BRWD1: variants seen among roughly 807,000 people sequenced by gnomAD.
BRWD1 encodes bromodomain and WD repeat domain containing 1.
Under a neutral mutation model 251.2 loss-of-function variants are expected in BRWD1, and 82 were observed. The ratio of observed to expected loss-of-function variants is 0.33; its 90% CI spans 0.27 to 0.39. The LOEUF is 0.39. BRWD1 is among the 10% of genes least tolerant of loss of function. The probability of loss-of-function intolerance (pLI) is 1.00; values close to 1 mark genes in which losing one functional copy is unlikely to be tolerated. For synonymous variants in BRWD1, 918 were observed against 902.8 expected, an observed-to-expected ratio of 1.02 and a Z score of -0.30; for missense variants, 2,233 against 2,711.6, an observed-to-expected ratio of 0.82 and a Z score of 3.92.
chr21:39,281,416 C>T (rs750842495), intron 8 of BRWD1, among the ~76,000 whole-genome samples: 9 of 152,132 alleles, frequency 5.9e-5, no homozygotes, highest in Non-Finnish European at 7.4e-5. Context: ...CTGACTCGCC[C>T]GAGTGCTGTG....
At chr21:39,244,191 A>G (rs1180538885) in intron 21 of BRWD1, among the ~76,000 whole-genome samples, 7 of 151,752 alleles carry the variant, frequency 4.6e-5, no homozygotes, top group African/African-American at 1.7e-4. Flanking sequence ...CAGCCTCCCT[A>G]GCAGCTGGGA....
At chr21:39,239,665 T>C (rs533098609) in intron 21 of BRWD1, among the ~76,000 whole-genome samples, 4 of 152,174 alleles carry the variant, frequency 2.6e-5, no homozygotes, top group Non-Finnish European at 5.9e-5. Context: ...TTCCTCTCTA[T>C]ATAAACTCGA....
chr21:39,211,747 C>T (rs534683024), intron 34 of BRWD1, among the ~76,000 whole-genome samples: 35 of 152,078 alleles, frequency 2.3e-4, no homozygotes, highest in East Asian at 1.2e-3. Context: ...TAAAATTAAA[C>T]GAAAATGACT....
At chr21:39,313,197 A>G (rs1267671033) in intron 2 of BRWD1, 44 bp downstream of exon 2, 2 of 1,517,096 alleles carry the variant, frequency 1.3e-6, no homozygotes, top group East Asian at 2.6e-5. Flanking sequence ...CGGCGGGGAC[A>G]CTGGGGACGC....
At chr21:39,300,638 T>C (rs955844889) in intron 4 of BRWD1, among the ~76,000 whole-genome samples, 3 of 152,112 alleles carry the variant, frequency 2.0e-5, no homozygotes, top group Non-Finnish European at 1.5e-5. Context: ...CAGAGGTAAA[T>C]ACATTACTGC....
chr21:39,310,840 T>C (rs1263046572), intron 4 of BRWD1, among the ~76,000 whole-genome samples: 1 of 152,096 alleles, frequency 6.6e-6, no homozygotes, highest in East Asian at 1.9e-4. Context: ...ATTACAGGTG[T>C]TAGCACCGCA....
At position 39,289,922 on chromosome 21, in the gene BRWD1, G is replaced by A. The variant is rs529692352; in HGVS notation, c.831+3889C>T. Among the ~76,000 whole-genome samples, 85 of 151,930 alleles carry A rather than the reference G, an allele frequency of 5.6e-4. 2 individuals are homozygous for A. Among genetic ancestry groups the A allele is most frequent in the African/African-American group, 2.0e-3 (83 of 41,410 alleles). On this transcript the variant is annotated intron_variant, in intron 8 of 40. Coordinates refer to ENST00000342449, the MANE Select transcript of BRWD1 (RefSeq NM_033656.4). Reference sequence around the variant, plus strand: ...CGCCTGTAGTCCCAGCTACTTGGGAGGCTGAGGCAGGAGAATGGCGTGAAC... The same window carrying A: ...CGCCTGTAGTCCCAGCTACTTGGGAAGCTGAGGCAGGAGAATGGCGTGAAC...
At chr21:39,218,097 G>A in intron 31 of BRWD1, 55 bp downstream of exon 31, 3 of 1,523,054 alleles carry the variant, frequency 2.0e-6, no homozygotes, top group Non-Finnish European at 2.6e-6. Flanking sequence ...GTTTACCCTA[G>A]TCAATATTGC....
chr21:39,291,102 CCAAAAACAAAAAA>C (rs2035794617), intron 8 of BRWD1, among the ~76,000 whole-genome samples: 1 of 152,094 alleles, frequency 6.6e-6, no homozygotes, highest in South Asian at 2.1e-4. Context: ...TCCGCCTGGG[CCAAAAACAAAAAA>C]CAAAAACAAA....
chr21:39,198,006 A>G (rs1601239280), intron 40 of BRWD1, among the ~76,000 whole-genome samples: 1 of 152,184 alleles, frequency 6.6e-6, no homozygotes, highest in East Asian at 1.9e-4. Context: ...TATAATATTA[A>G]CATGAATACA....
chr21:39,295,851 T>C lies in BRWD1; in HGVS notation c.501A>G (p.Ala167=). 6.2e-7 allele frequency: 1 copy of C among 1,609,348 alleles called. No homozygotes were observed. The highest frequency in any genetic ancestry group is 1.3e-5 in the African/African-American group (1 of 74,924). The change falls in exon 7 of 41, where the codon GCA becomes GCG. Residue 167 remains alanine (A), a synonymous_variant. Coordinates refer to ENST00000342449, the MANE Select transcript of BRWD1 (RefSeq NM_033656.4). ...QLTGCSTFST[A]FPGTMYQHIK... Reference sequence around the variant, plus strand: ...TATGCTGATACATAGTTCCTGGAAATGCTGTACTAAAAGTGGAACACCCTG... The same window carrying C: ...TATGCTGATACATAGTTCCTGGAAACGCTGTACTAAAAGTGGAACACCCTG...
chr21:39,266,879 G>A (rs1332207354), intron 15 of BRWD1, among the ~76,000 whole-genome samples: 2 of 152,192 alleles, frequency 1.3e-5, no homozygotes, highest in Non-Finnish European at 2.9e-5. Context: ...CTGGAAATAA[G>A]ATCATTGTTG....
At chr21:39,224,292 A>G (rs1428727782) in intron 29 of BRWD1, 116 bp downstream of exon 29, 1 of 539,122 alleles carries the variant, frequency 1.9e-6, no homozygotes, top group Admixed American at 3.9e-5. Context: ...AAGTTCAGTT[A>G]CTGTAATAAT....
chr21:39,212,022 C>CA (rs1454525047), intron 34 of BRWD1, among the ~76,000 whole-genome samples: 1 of 152,122 alleles, frequency 6.6e-6, no homozygotes, highest in Non-Finnish European at 1.5e-5. Context: ...CCTTACCCCT[C>CA]AACCTCATCA....
At chr21:39,296,042 A>C (rs1285670401) in intron 6 of BRWD1, 139 bp from the exon 7 acceptor site, 1 of 702,624 alleles carries the variant, frequency 1.4e-6, no homozygotes, top group Non-Finnish European at 2.1e-6. Flanking sequence ...TCCCAATTCT[A>C]TTCTTCTGTA....
In BRWD1 at chr21:39,188,393, C is replaced by CCCA; in HGVS notation, c.*7863_*7865dup. On this transcript the variant is annotated 3_prime_UTR_variant, in exon 41 of 41. Transcript: ENST00000342449. ...TGAAATAACCAGTTGATATCCTCCA[C>CCCA]CCACACTAGACATCTGGAGGACTCC... 1 of 985,346 alleles carries CCCA rather than the reference C, an allele frequency of 1.0e-6. No homozygotes were observed. The allele number at this position is 985,346 out of a possible 1,614,324, so 61.0% of individuals were successfully genotyped here.
rs1373927892 is a variant in BRWD1, at chr21:39,210,891, A to G, written c.3939T>C (p.Tyr1313=). The G allele has an allele frequency of 1.2e-6, 2 of 1,612,298 alleles. No homozygotes were observed. The highest frequency in any genetic ancestry group is 1.7e-5 in the Admixed American group (1 of 59,502). ...DGKKSIRATN[Y]VESNWKKQCK... ...ACTGTTTCTTCCAGTTGCTTTCAAC[A>G]TAGTTCGTAGCTCTGATGCTTTTTT... Residue 1313 remains tyrosine (Y), a synonymous_variant, in exon 35 of 41, where the codon TAT becomes TAC. Transcript: ENST00000342449.
chr21:39,237,039 T>G (rs1296924502), intron 22 of BRWD1, among the ~76,000 whole-genome samples: 1 of 151,922 alleles, frequency 6.6e-6, no homozygotes, highest in Non-Finnish European at 1.5e-5. Context: ...AAAAAAAAAT[T>G]TAGGTATATT....
rs1454477778 is a variant in BRWD1, at chr21:39,264,924, T to A, written c.1626A>T (p.Ile542=). Reference sequence around the variant, plus strand: ...ATGGTTTGCTGCATCCAAAACCAAATATCAGAAGGTGCCCATGAGAATCTG... The same window carrying A: ...ATGGTTTGCTGCATCCAAAACCAAAAATCAGAAGGTGCCCATGAGAATCTG... The part of the protein sequence containing the change: ...ACTDSHGHLL[I]FGFGCSKPYE... The change falls in exon 16 of 41, where the codon ATA becomes ATT. Residue 542 remains isoleucine, a synonymous_variant. Coordinates refer to ENST00000342449, the MANE Select transcript of BRWD1 (RefSeq NM_033656.4). 6.2e-6 allele frequency: 10 copies of A among 1,613,714 alleles called. No individual in the cohort carries two copies. The South Asian group carries it at 9.9e-5, about 16-fold the overall frequency.
Sources: gnomAD v4.1 joint callset for allele counts (sites outside exome capture counted in the v4.1 genomes callset) on GRCh38, gnomAD v4.1.1 for gene constraint, MANE v1.5 for transcripts, NCBI Gene and HGNC (gene_info 2026-07-23, HGNC 2026-07-21) for gene names.